SLC24A2: variants seen among roughly 807,000 people sequenced by gnomAD.
The protein encoded by SLC24A2 is solute carrier family 24 member 2, also known as sodium/potassium/calcium exchanger 2.
SLC24A2 carries 36 observed loss-of-function variants against 62.0 expected under a neutral mutation model. That is an observed-to-expected ratio of 0.58 (90% CI 0.44 to 0.77). The LOEUF (loss-of-function observed/expected upper bound fraction) is 0.77, where lower values mean the gene tolerates loss of function less well. SLC24A2 is among the 30% of genes least tolerant of loss of function. The probability of loss-of-function intolerance (pLI) is 0.00; values close to 1 mark genes in which losing one functional copy is unlikely to be tolerated. For missense variants in SLC24A2, 846 were observed against 817.9 expected (o/e 1.03, Z -0.42); for synonymous variants, 358 against 294.0 (o/e 1.22, Z -2.23).
chr9:19,709,264 G>A (rs1439578770), intron 2 of SLC24A2, among the ~76,000 whole-genome samples: 19 of 151,910 alleles, frequency 1.3e-4, no homozygotes, highest in Non-Finnish European at 2.2e-4. Flanking sequence ...AACAGGTGCT[G>A]GAGAGGATGT....
chr9:19,709,063 AAAAC>A (rs1399855761), intron 2 of SLC24A2, among the ~76,000 whole-genome samples: 2 of 152,226 alleles, frequency 1.3e-5, no homozygotes, highest in Non-Finnish European at 2.9e-5. Flanking sequence ...TTACAAGAAA[AAAAC>A]AAACAACCCA....
intron 2 of SLC24A2, among the ~76,000 whole-genome samples, chr9:19,637,439 G>C (rs1403894167): frequency 1.3e-5 from 2 of 152,186 alleles, no homozygotes; most frequent in Non-Finnish European, 2.9e-5. Flanking sequence ...CCCCTCTGTA[G>C]GCTTTGGTAG....
At chr9:20,068,057 C>CTTTT in the SLC24A2 span, among the ~76,000 whole-genome samples, 178 of 89,712 alleles carry the variant, frequency 2.0e-3, no homozygotes, top group Non-Finnish European at 2.3e-3. Context: ...TTTTTTGACT[C>CTTTT]TTTTTTTTTT....
intron 2 of SLC24A2, among the ~76,000 whole-genome samples, chr9:19,682,611 T>C (rs1369094672): frequency 2.0e-5 from 3 of 152,120 alleles, no homozygotes; most frequent in East Asian, 1.9e-4. Flanking sequence ...CATTATATAG[T>C]GTGACACAGC....
At chr9:20,133,231 C>T in the SLC24A2 span, among the ~76,000 whole-genome samples, 1 of 151,960 alleles carries the variant, frequency 6.6e-6, no homozygotes, top group Non-Finnish European at 1.5e-5. Context: ...CATGCATGCA[C>T]ATGTATGTAT....
At chr9:20,171,204 A>C in the SLC24A2 span, among the ~76,000 whole-genome samples, 1 of 152,054 alleles carries the variant, frequency 6.6e-6, no homozygotes, top group Non-Finnish European at 1.5e-5. Context: ...GCACTACAAG[A>C]ACTGCTAAAA....
chr9:19,706,287 T>C (rs943569740), intron 2 of SLC24A2, among the ~76,000 whole-genome samples: 3 of 152,068 alleles, frequency 2.0e-5, no homozygotes, highest in Non-Finnish European at 4.4e-5. Context: ...ATTTGCTTGG[T>C]AGATCTTTCT....
At chr9:20,227,390 T>A in the SLC24A2 span, among the ~76,000 whole-genome samples, 1 of 152,114 alleles carries the variant, frequency 6.6e-6, no homozygotes, top group African/African-American at 2.4e-5. Context: ...ATCTTTGTGG[T>A]GTTTTAATAC....
At chr9:19,939,175 G>A in the SLC24A2 span, among the ~76,000 whole-genome samples, 4 of 152,340 alleles carry the variant, frequency 2.6e-5, no homozygotes, top group African/African-American at 7.2e-5. Context: ...GTTCTGGAAT[G>A]AGTATAGTGC....
chr9:20,148,411 A>G, the SLC24A2 span, among the ~76,000 whole-genome samples: 1 of 152,104 alleles, frequency 6.6e-6, no homozygotes, highest in South Asian at 2.1e-4. Flanking sequence ...GAAATTAGAT[A>G]AAACGCTTCT....
At chr9:20,049,775 C>A in the SLC24A2 span, among the ~76,000 whole-genome samples, 1 of 150,998 alleles carries the variant, frequency 6.6e-6, no homozygotes, top group Non-Finnish European at 1.5e-5. Context: ...CACCCATAAA[C>A]TACAGGGATT....
At chr9:20,039,489 T>C in the SLC24A2 span, among the ~76,000 whole-genome samples, 2 of 152,012 alleles carry the variant, frequency 1.3e-5, no homozygotes, top group African/African-American at 4.8e-5. Context: ...ATAACAATGT[T>C]ATTCCCATGG....
the SLC24A2 span, among the ~76,000 whole-genome samples, chr9:20,180,052 T>C: frequency 2.6e-5 from 4 of 152,146 alleles, no homozygotes; most frequent in Non-Finnish European, 5.9e-5. Context: ...ATTTTGGCCA[T>C]TGCCTGGCTA....
At chr9:19,903,369 A>G in the SLC24A2 span, among the ~76,000 whole-genome samples, 5 of 152,148 alleles carry the variant, frequency 3.3e-5, no homozygotes, top group South Asian at 6.2e-4. Context: ...TCCTCTTCTT[A>G]TAAGGACACC....
At chr9:20,279,093 T>C in the SLC24A2 span, among the ~76,000 whole-genome samples, 9 of 151,962 alleles carry the variant, frequency 5.9e-5, no homozygotes, top group Non-Finnish European at 1.2e-4. Flanking sequence ...TTCACTATCA[T>C]GAGAACAACA....
chr9:20,057,531 A>G, the SLC24A2 span, among the ~76,000 whole-genome samples: 2 of 152,206 alleles, frequency 1.3e-5, no homozygotes, highest in African/African-American at 2.4e-5. Context: ...GCTTACATGG[A>G]GATAAATAGA....
the SLC24A2 span, chr9:19,927,876 A>G: frequency 2.0e-5 from 3 of 152,348 alleles, no homozygotes; most frequent in African/African-American, 7.2e-5. Flanking sequence ...AAACCAAACC[A>G]AACCAAAGCT....
rs529576762 is a variant in SLC24A2, at chr9:19,744,815, T to C, written c.930+41122A>G. The stretch of plus-strand genomic sequence containing the variant: ...GCTTCCCATTCAAATACCTTGTTAC[T>C]TCACTCATAAACTTCCCAAACATCT... On this transcript the variant is annotated intron_variant, in intron 2 of 10. Coordinates refer to ENST00000341998, the MANE Select transcript of SLC24A2 (RefSeq NM_020344.4). Among the ~76,000 whole-genome samples, 4 of 152,262 alleles carry C rather than the reference T, an allele frequency of 2.6e-5. No individual in the cohort carries two copies. In the East Asian group the frequency reaches 5.8e-4, roughly 22 times the overall value.
the SLC24A2 span, among the ~76,000 whole-genome samples, chr9:20,087,434 C>T: frequency 6.6e-6 from 1 of 152,096 alleles, no homozygotes. Flanking sequence ...ATATATCAGG[C>T]CTCATGTGAA....
Sources: allele counts gnomAD v4.1 joint callset (sites outside exome capture counted in the v4.1 genomes callset), GRCh38; gene constraint gnomAD v4.1.1; transcripts MANE v1.5; gene names NCBI Gene and HGNC (gene_info 2026-07-23, HGNC 2026-07-21).